ICA1: variants seen among roughly 807,000 people sequenced by gnomAD.
The protein encoded by ICA1 is islet cell autoantigen 1.
ICA1 carries 40 observed loss-of-function variants against 71.0 expected under a neutral mutation model. The ratio of observed to expected loss-of-function variants is 0.56; its 90% CI spans 0.44 to 0.73. The LOEUF is 0.73. Ranked by LOEUF, ICA1 falls within the 30% of genes least tolerant of loss-of-function variation. ICA1 has a pLI of 0.00. For synonymous variants in ICA1, 207 were observed against 209.5 expected, an observed-to-expected ratio of 0.99 and a Z score of 0.10; for missense variants, 578 against 576.5, an observed-to-expected ratio of 1.00 and a Z score of -0.03.
intron 6 of ICA1, among the ~76,000 whole-genome samples, chr7:8,191,552 T>C (rs1402609498): frequency 3.9e-5 from 6 of 152,192 alleles, no homozygotes; most frequent in Non-Finnish European, 8.8e-5. Context: ...ACATTTAAGG[T>C]AGCCTGTGGT....
chr7:8,143,856 G>C lies in ICA1; in HGVS notation c.902+19C>G. ...ACCTGTGGGAAGAAAGATGCAGAGG[G>C]AAGGAACCTGTGACTTACTGGCTCG... On this transcript the variant is annotated intron_variant, in intron 9 of 13. Coordinates refer to ENST00000402384, the MANE Select transcript of ICA1 (RefSeq NM_001136020.3). The C allele has an allele frequency of 1.3e-6, 2 of 1,519,464 alleles. No individual in the cohort carries two copies. Among genetic ancestry groups the C allele is most frequent in the Non-Finnish European group, 1.8e-6 (2 of 1,094,786 alleles). The allele number at this position is 1,519,464 out of a possible 1,614,324, so 94.1% of individuals were successfully genotyped here.
At chr7:8,193,880 TAAG>T (rs1053073038) in intron 6 of ICA1, among the ~76,000 whole-genome samples, 1 of 152,176 alleles carries the variant, frequency 6.6e-6, no homozygotes, top group Admixed American at 6.5e-5. Context: ...AGAGATATTC[TAAG>T]AAGGTCACAG....
intron 6 of ICA1, among the ~76,000 whole-genome samples, chr7:8,196,563 T>C (rs1201029085): frequency 1.3e-5 from 2 of 152,116 alleles, no homozygotes; most frequent in Admixed American, 6.5e-5. Flanking sequence ...ACTGCACTGA[T>C]GGGGGATGCT....
intron 1 of ICA1, among the ~76,000 whole-genome samples, chr7:8,249,861 G>A (rs1370214935): frequency 1.3e-5 from 2 of 152,224 alleles, no homozygotes; most frequent in African/African-American, 2.4e-5. Flanking sequence ...ATGATCTGAA[G>A]TGATGCAGGT....
chr7:8,176,135 C>A (rs1780558288), intron 6 of ICA1, among the ~76,000 whole-genome samples: 1 of 152,238 alleles, frequency 6.6e-6, no homozygotes, highest in African/African-American at 2.4e-5. Flanking sequence ...GTTGTCTCCT[C>A]TTGTACGAAA....
intron 6 of ICA1, among the ~76,000 whole-genome samples, 194 bp from the exon 7 acceptor site, chr7:8,158,846 T>C (rs1802665776): frequency 6.6e-6 from 1 of 152,246 alleles, no homozygotes; most frequent in Non-Finnish European, 1.5e-5. Context: ...CTGCATATTA[T>C]GATTTTATAG....
Position 8,148,697 on chromosome 7 carries a change from G to A in ICA1, c.805-4725C>T, listed in dbSNP as rs1005761843. Among the ~76,000 whole-genome samples the A allele has an allele frequency of 3.9e-5, 6 of 152,104 alleles. No homozygotes were observed. In the South Asian group the frequency reaches 8.3e-4, roughly 21 times the overall value. On this transcript the variant is annotated intron_variant, in intron 8 of 13. Coordinates refer to ENST00000402384, the MANE Select transcript of ICA1 (RefSeq NM_001136020.3). The stretch of plus-strand genomic sequence containing the variant: ...TAATCAATTTCAGGACATTTTCAAG[G>A]GACATCACCAAGACAGAATTTGTAG...
chr7:8,142,754 T>C (rs1049082063), intron 9 of ICA1, among the ~76,000 whole-genome samples: 1 of 152,228 alleles, frequency 6.6e-6, no homozygotes, highest in African/African-American at 2.4e-5. Context: ...GCATTGTATC[T>C]GGTTCATAGT....
rs559153678 is a variant in ICA1, at chr7:8,149,632, C to CA, written c.805-5661dup. The stretch of plus-strand genomic sequence containing the variant: ...ACAAATTTCACAGACACAAGGCCAG[C>CA]AGCCAGTTCTAATAACCTAAATTTA... On this transcript the variant is annotated intron_variant, in intron 8 of 13. Coordinates refer to ENST00000402384, the MANE Select transcript of ICA1 (RefSeq NM_001136020.3). 5.8e-4 allele frequency among the ~76,000 whole-genome samples: 89 copies of CA among 152,366 alleles called. 1 individual carries two copies. The highest frequency in any genetic ancestry group is 5.0e-3 in the South Asian group (24 of 4,826).
chr7:8,160,797 A>G (rs1354682404), intron 6 of ICA1, among the ~76,000 whole-genome samples: 1 of 152,212 alleles, frequency 6.6e-6, no homozygotes, highest in Admixed American at 6.5e-5. Flanking sequence ...TGCAGAGCAA[A>G]GAGCCAGTAG....
intron 12 of ICA1, among the ~76,000 whole-genome samples, chr7:8,137,379 G>A (rs1029938676): frequency 2.0e-5 from 3 of 152,196 alleles, no homozygotes; most frequent in Non-Finnish European, 4.4e-5. Flanking sequence ...GTTAAAGCAC[G>A]TGAAGGATTA....
At chr7:8,146,323 G>C (rs571424515) in intron 8 of ICA1, among the ~76,000 whole-genome samples, 1 of 152,272 alleles carries the variant, frequency 6.6e-6, no homozygotes, top group East Asian at 1.9e-4. Context: ...AGGGAGAAGA[G>C]AGTTCCGAGT....
intron 6 of ICA1, among the ~76,000 whole-genome samples, chr7:8,182,853 G>A (rs1782638582): frequency 6.6e-6 from 1 of 152,210 alleles, no homozygotes; most frequent in Admixed American, 6.5e-5. Flanking sequence ...AAGGTTGGCA[G>A]TGTAAATGAG....
At chr7:8,129,005 C>T (rs551120432) in intron 12 of ICA1, among the ~76,000 whole-genome samples, 1 of 152,326 alleles carries the variant, frequency 6.6e-6, no homozygotes, top group African/African-American at 2.4e-5. Context: ...CACTTTAAAC[C>T]TAATTGCCTT....
chr7:8,182,557 G>A (rs1310515251), intron 6 of ICA1, among the ~76,000 whole-genome samples: 1 of 152,110 alleles, frequency 6.6e-6, no homozygotes, highest in Admixed American at 6.5e-5. Context: ...GAATTAAAGG[G>A]ACACCCATTA....
At chr7:8,156,588 T>C (rs889253027) in intron 8 of ICA1, 1 of 357,024 alleles carries the variant, frequency 2.8e-6, no homozygotes, top group African/African-American at 2.1e-5. Flanking sequence ...TTAATACTGC[T>C]TTTTCAATTA....
At position 8,140,965 on chromosome 7, in the gene ICA1, G is replaced by A. The variant is rs75983700; in HGVS notation, c.955+800C>T. ...ACCAGAGGGTGAAGCAGGAAGAGAT[G>A]CATATGTCCCCAGGGGGACCAGGTA... On this transcript the variant is annotated intron_variant, in intron 10 of 13. Transcript: ENST00000402384. Among the ~76,000 whole-genome samples, 811 of 152,290 alleles carry A rather than the reference G, an allele frequency of 5.3e-3. 3 individuals carry two copies. The highest frequency in any genetic ancestry group is 7.6e-3 in the Non-Finnish European group (519 of 68,026).
intron 1 of ICA1, among the ~76,000 whole-genome samples, chr7:8,243,281 T>C (rs1804679167): frequency 6.6e-6 from 1 of 152,196 alleles, no homozygotes; most frequent in Non-Finnish European, 1.5e-5. Flanking sequence ...TCAATACACG[T>C]AATCCATCAC....
intron 12 of ICA1, among the ~76,000 whole-genome samples, chr7:8,129,689 A>G (rs905406298): frequency 6.6e-6 from 1 of 152,202 alleles, no homozygotes; most frequent in Admixed American, 6.5e-5. Flanking sequence ...CTTCTGAGAC[A>G]GTGTGATTTT....
Sources: allele counts gnomAD v4.1 joint callset (sites outside exome capture counted in the v4.1 genomes callset), GRCh38; gene constraint gnomAD v4.1.1; transcripts MANE v1.5; gene names NCBI Gene and HGNC (gene_info 2026-07-23, HGNC 2026-07-21).